The following CHL1 variants were observed in gnomAD, a reference collection of about 807,000 sequenced individuals.
CHL1 encodes the protein neural cell adhesion molecule L1-like protein.
In CHL1, 96 loss-of-function variants were observed where a neutral mutation model predicts 141.9. The ratio of observed to expected loss-of-function variants is 0.68; its 90% CI spans 0.57 to 0.80. The LOEUF (loss-of-function observed/expected upper bound fraction) is 0.80, where lower values mean the gene tolerates loss of function less well. Among genes scored for constraint, CHL1 ranks in the 30% least tolerant of loss-of-function variants. CHL1 has a pLI of 0.00. For synonymous variants in CHL1, 613 were observed against 502.2 expected, an observed-to-expected ratio of 1.22 and a Z score of -2.95; for missense variants, 1,820 against 1,457.2, an observed-to-expected ratio of 1.25 and a Z score of -4.05.
chr3:363,610 T>A (rs918730776), intron 14 of CHL1: 13 of 397,028 alleles, frequency 3.3e-5, no homozygotes, highest in African/African-American at 6.1e-5. Context: ...CAGCCAGGTG[T>A]CTGTAGTGAC....
chr3:252,367 T>TAG (rs1693776177), intron 2 of CHL1, among the ~76,000 whole-genome samples: 2 of 114,378 alleles, frequency 1.7e-5, no homozygotes, highest in Non-Finnish European at 3.9e-5. Context: ...TCCAGATATA[T>TAG]ATATATATAT....
At chr3:242,574 T>C (rs543779977) in intron 1 of CHL1, among the ~76,000 whole-genome samples, 80 of 151,178 alleles carry the variant, frequency 5.3e-4, no homozygotes, top group East Asian at 1.2e-3. Flanking sequence ...CCAGCCTGGG[T>C]AACAGAGTGG....
chr3:391,199 G>A (rs753477587), intron 22 of CHL1, 40 bp downstream of exon 22: 1 of 1,448,128 alleles, frequency 6.9e-7, no homozygotes, highest in Non-Finnish European at 9.7e-7. Context: ...AAAAATGGAG[G>A]TGATCCATGG....
intron 2 of CHL1, among the ~76,000 whole-genome samples, chr3:276,846 G>GCA (rs771848823): frequency 8.4e-4 from 114 of 135,104 alleles, no homozygotes; most frequent in Middle Eastern, 5.2e-3. Context: ...CCGAGATCAT[G>GCA]CCACTGCACT....
intron 2 of CHL1, among the ~76,000 whole-genome samples, chr3:285,207 C>T (rs999822217): frequency 1.3e-5 from 2 of 152,202 alleles, no homozygotes; most frequent in African/African-American, 4.8e-5. Flanking sequence ...AGTCAAACAT[C>T]TTGATGAGAT....
chr3:319,767 C>G lies in CHL1; in HGVS notation c.-10C>G. On this transcript the variant is annotated 5_prime_UTR_variant, in exon 3 of 28. Transcript: ENST00000256509. ...TCATTCTTACCGGGTTGTCTTCTTC[C>G]TGAAGAGCAATGGAGCCGCTTTTAC... 19 of 1,584,858 alleles carry G rather than the reference C, an allele frequency of 1.2e-5. No homozygotes were observed. Among genetic ancestry groups the G allele is most frequent in the Non-Finnish European group, 1.6e-5 (19 of 1,156,442 alleles).
chr3:279,733 T>G lies in CHL1; in HGVS notation c.-95+35041T>G, dbSNP rs537778166. On this transcript the variant is annotated intron_variant, in intron 2 of 27. Transcript: ENST00000256509. Reference sequence around the variant, plus strand: ...AGAGCAAAAAGCTGAACTGAAACAATGGAGGGAGGAAAGATAGTACCAGAG... The same window carrying G: ...AGAGCAAAAAGCTGAACTGAAACAAGGGAGGGAGGAAAGATAGTACCAGAG... Among the ~76,000 whole-genome samples, 7 of 152,194 alleles carry G rather than the reference T, an allele frequency of 4.6e-5. No individual in the cohort carries two copies. In the South Asian group the frequency reaches 1.5e-3, roughly 32 times the overall value.
intron 24 of CHL1, among the ~76,000 whole-genome samples, chr3:397,467 C>T (rs1300616782): frequency 6.6e-6 from 1 of 152,016 alleles, no homozygotes; most frequent in African/African-American, 2.4e-5. Context: ...TCATTGTTAA[C>T]ATTTTCTGGG....
At chr3:289,931 CTTTTTTTTTT>C (rs769872997) in intron 2 of CHL1, among the ~76,000 whole-genome samples, 3 of 102,780 alleles carry the variant, frequency 2.9e-5, no homozygotes, top group African/African-American at 1.2e-4. Context: ...CCACTGGTAT[CTTTTTTTTTT>C]TTTTTTTTTT....
chr3:274,463 A>T (rs1249852181), intron 2 of CHL1, among the ~76,000 whole-genome samples: 2 of 152,386 alleles, frequency 1.3e-5, no homozygotes, highest in East Asian at 3.8e-4. Context: ...AAACAGCAGA[A>T]TACATATACC....
In CHL1 at chr3:342,003, T is replaced by C. The variant is rs199746295; in HGVS notation, c.600T>C (p.Asn200=). The C allele has an allele frequency of 6.2e-7, 1 of 1,613,538 alleles. No homozygotes were observed. Among genetic ancestry groups the C allele is most frequent in the African/African-American group, 1.3e-5 (1 of 74,930 alleles). ...FANVEEKDSR[N]DYCCFAAFPR... is the part of the protein sequence containing the mutation. Reference sequence around the variant, plus strand: ...ACGTGGAAGAAAAGGACAGTCGCAATGACTACTGTTGCTTTGCTGCATTTC... The same window carrying C: ...ACGTGGAAGAAAAGGACAGTCGCAACGACTACTGTTGCTTTGCTGCATTTC... The change falls in exon 7 of 28, where the codon AAT becomes AAC. Residue 200 remains asparagine (N), a synonymous_variant. Coordinates refer to ENST00000256509, the MANE Select transcript of CHL1 (RefSeq NM_006614.4).
intron 2 of CHL1, among the ~76,000 whole-genome samples, chr3:293,637 T>C (rs141798679): frequency 2.0e-4 from 31 of 152,334 alleles, no homozygotes; most frequent in African/African-American, 6.5e-4. Flanking sequence ...TCATACGTTC[T>C]AATGTTTGAT....
chr3:391,646 G>T, intron 22 of CHL1, 29 bp from the exon 23 acceptor site: 1 of 1,543,934 alleles, frequency 6.5e-7, no homozygotes, highest in Non-Finnish European at 8.8e-7. Context: ...TAATTGATGT[G>T]AGTTTATTTT....
intron 1 of CHL1, among the ~76,000 whole-genome samples, chr3:216,731 C>T (rs1329344983): frequency 1.3e-5 from 2 of 152,190 alleles, no homozygotes; most frequent in Non-Finnish European, 2.9e-5. Context: ...AGAGAGGCTG[C>T]TAAATATGGC....
chr3:290,945 AAAAAG>A (rs1028059556), intron 2 of CHL1, among the ~76,000 whole-genome samples: 3 of 151,830 alleles, frequency 2.0e-5, no homozygotes, highest in African/African-American at 7.2e-5. Context: ...CAAAAAAAAA[AAAAAG>A]AAAGAAAGAA....
intron 1 of CHL1, among the ~76,000 whole-genome samples, chr3:242,716 G>C (rs1473517835): frequency 1.3e-5 from 2 of 151,030 alleles, no homozygotes; most frequent in African/African-American, 4.8e-5. Flanking sequence ...AGAGAGATTA[G>C]ATTAGTAGCA....
intron 15 of CHL1, 67 bp from the exon 16 acceptor site, chr3:377,751 A>T (rs927836118): frequency 2.9e-6 from 4 of 1,386,532 alleles, no homozygotes; most frequent in Non-Finnish European, 4.0e-6. Flanking sequence ...TGCATTTTTA[A>T]AAGAATTGGG....
At chr3:325,688 A>T (rs1306395584) in intron 3 of CHL1, among the ~76,000 whole-genome samples, 2 of 152,056 alleles carry the variant, frequency 1.3e-5, no homozygotes, top group East Asian at 3.9e-4. Context: ...TTGTGATGAC[A>T]TAGCAACTTT....
intron 2 of CHL1, among the ~76,000 whole-genome samples, chr3:316,425 C>A (rs1045436082): frequency 4.0e-5 from 6 of 149,210 alleles, no homozygotes; most frequent in African/African-American, 1.2e-4. Flanking sequence ...ACCACAATAA[C>A]TTTTGCACCA....
Sources: allele counts gnomAD v4.1 joint callset (sites outside exome capture counted in the v4.1 genomes callset), GRCh38; gene constraint gnomAD v4.1.1; transcripts MANE v1.5; gene names NCBI Gene and HGNC (gene_info 2026-07-23, HGNC 2026-07-21).